The following CCDC88C variants were observed in gnomAD, a reference collection of about 807,000 sequenced individuals.
CCDC88C encodes the protein coiled-coil and HOOK domain protein 88C.
CCDC88C carries 131 observed loss-of-function variants against 198.8 expected under a neutral mutation model. That is an observed-to-expected ratio of 0.66 (90% confidence interval 0.57 to 0.76). CCDC88C has a LOEUF of 0.76. Ranked by LOEUF, CCDC88C falls within the 30% of genes least tolerant of loss-of-function variation. The probability of loss-of-function intolerance (pLI) is 0.00; values close to 1 mark genes in which losing one functional copy is unlikely to be tolerated. For missense variants in CCDC88C, 2,553 were observed against 2,631.6 expected, an observed-to-expected ratio of 0.97 and a Z score of 0.65; for synonymous variants, 1,166 against 1,114.7, an observed-to-expected ratio of 1.05 and a Z score of -0.92.
chr14:91,349,052 T>A (rs914787759), intron 4 of CCDC88C, among the ~76,000 whole-genome samples: 1 of 152,226 alleles, frequency 6.6e-6, no homozygotes, highest in Non-Finnish European at 1.5e-5. Flanking sequence ...TCTACCAGAT[T>A]GTGGGTTTTG....
Position 91,388,600 on chromosome 14 carries a change from G to A in CCDC88C, c.270+20059C>T, listed in dbSNP as rs550079239. ...CCAGAGCTTAACTCAGACGCTCACA[G>A]TAAGCTCTCAAACTGATGTATAAAC... On this transcript the variant is annotated intron_variant, in intron 3 of 29. Transcript: ENST00000389857. Among the ~76,000 whole-genome samples, 4 of 152,368 alleles carry A rather than the reference G, an allele frequency of 2.6e-5. No homozygotes were observed. In the South Asian group the frequency reaches 6.2e-4, roughly 24 times the overall value.
At chr14:91,312,998 T>A (rs7152930) in intron 15 of CCDC88C, 82 bp downstream of exon 15, 103 of 1,075,514 alleles carry the variant, frequency 9.6e-5, no homozygotes, top group Non-Finnish European at 1.3e-4. Context: ...CAGAGTCTTA[T>A]TTCTCTCCTG....
intron 3 of CCDC88C, among the ~76,000 whole-genome samples, chr14:91,386,847 G>A (rs767685748): frequency 1.3e-5 from 2 of 152,134 alleles, no homozygotes; most frequent in African/African-American, 2.4e-5. Flanking sequence ...TAGGGGCTTG[G>A]GACCAACTAA....
In CCDC88C at chr14:91,325,645, C is replaced by T. The variant is rs566882478; in HGVS notation, c.1197+265G>A. 2.5e-4 allele frequency among the ~76,000 whole-genome samples: 38 copies of T among 152,242 alleles called. No individual in the cohort carries two copies. The highest frequency in any genetic ancestry group is 4.6e-4 in the Non-Finnish European group (31 of 68,024). On this transcript the variant is annotated intron_variant, in intron 11 of 29. Coordinates refer to ENST00000389857, the MANE Select transcript of CCDC88C (RefSeq NM_001080414.4). The surrounding 1 kb of genome is among the most constrained non-coding windows in gnomAD (Gnocchi z 4.1). ...AGGCTGGAATGCAATGGTGTGATCA[C>T]GGCTCACTGCAGCCTCAACCTCCCA...
At chr14:91,399,640 C>G (rs1168866777) in intron 3 of CCDC88C, among the ~76,000 whole-genome samples, 5 of 152,082 alleles carry the variant, frequency 3.3e-5, no homozygotes, top group Admixed American at 1.3e-4. Flanking sequence ...GAGTTCAAGA[C>G]CAGCCTGGCC....
intron 25 of CCDC88C, chr14:91,285,589 T>C: frequency 8.2e-7 from 1 of 1,226,558 alleles, no homozygotes; most frequent in Non-Finnish European, 1.1e-6. Flanking sequence ...TCTGGCCTTT[T>C]AGACGCTGGC....
chr14:91,326,433 G>C (rs1042363605), intron 10 of CCDC88C, among the ~76,000 whole-genome samples: 1 of 152,176 alleles, frequency 6.6e-6, no homozygotes, highest in African/African-American at 2.4e-5. Flanking sequence ...GGCTGGTCTC[G>C]AATTCCTGAC....
chr14:91,313,881 C>T lies in CCDC88C; in HGVS notation c.1935G>A (p.Gly645=). The T allele has an allele frequency of 1.2e-6, 2 of 1,608,676 alleles. No individual in the cohort carries two copies. Among genetic ancestry groups the T allele is most frequent in the Non-Finnish European group, 1.7e-6 (2 of 1,178,482 alleles). The change falls in exon 15 of 30, where the codon GGG becomes GGA. Residue 645 remains glycine (G), a synonymous_variant. Transcript: ENST00000389857. This position sits in a 1 kb window ranked among gnomAD's most constrained non-coding sequence, Gnocchi z 5.2. Reference sequence around the variant, plus strand: ...GGGAGGTCACCTTCCTGGCCAGCCTCCCGTTCTCCTCCTGGAGTCGCTGTA... The same window carrying T: ...GGGAGGTCACCTTCCTGGCCAGCCTTCCGTTCTCCTCCTGGAGTCGCTGTA... ...RELQRLQEEN[G]RLARKVTSLE...
At position 91,339,153 on chromosome 14, in the gene CCDC88C, C is replaced by T; in HGVS notation, c.809+125G>A. On this transcript the variant is annotated intron_variant, in intron 8 of 29. Coordinates refer to ENST00000389857, the MANE Select transcript of CCDC88C (RefSeq NM_001080414.4). This position sits in a 1 kb window ranked among gnomAD's most constrained non-coding sequence, Gnocchi z 5.8. ...GGTCAAAGAGTAAGCTCAGGGCAGA[C>T]CCCAGCTGACTCCGGGGCACACGTC... is the stretch of plus-strand genomic sequence containing the variant. 1.7e-6 allele frequency: 2 copies of T among 1,177,888 alleles called. No homozygotes were observed. Among genetic ancestry groups the T allele is most frequent in the Non-Finnish European group, 2.5e-6 (2 of 812,686 alleles). 73.0% of individuals were successfully genotyped at this position (1,177,888 alleles called of 1,614,324 possible).
intron 12 of CCDC88C, among the ~76,000 whole-genome samples, chr14:91,324,187 C>A (rs911815165): frequency 1.3e-5 from 2 of 152,262 alleles, no homozygotes; most frequent in African/African-American, 4.8e-5. Flanking sequence ...CCCACGCTTC[C>A]CATGACCGAC....
chr14:91,295,715 G>A (rs528677999), intron 22 of CCDC88C, among the ~76,000 whole-genome samples: 6 of 152,162 alleles, frequency 3.9e-5, no homozygotes, highest in East Asian at 1.9e-4. Flanking sequence ...GCACAGCCAC[G>A]CCCTCATCAC....
At chr14:91,309,792 A>T in intron 16 of CCDC88C, 67 bp downstream of exon 16, 8 of 1,527,216 alleles carry the variant, frequency 5.2e-6, no homozygotes, top group Non-Finnish European at 7.1e-6. Flanking sequence ...GGGGAGGGTG[A>T]GGAGCCTGCA....
intron 17 of CCDC88C, 102 bp from the exon 18 acceptor site, chr14:91,307,328 C>T (rs1891602692): frequency 4.0e-6 from 4 of 1,008,768 alleles, no homozygotes; most frequent in Admixed American, 1.8e-5. Flanking sequence ...CCTCCACACT[C>T]CCCATACTCG....
At chr14:91,384,906 G>C (rs990485695) in intron 3 of CCDC88C, among the ~76,000 whole-genome samples, 5 of 152,108 alleles carry the variant, frequency 3.3e-5, no homozygotes, top group African/African-American at 9.7e-5. Context: ...TGGTTCTTAG[G>C]GCACCATCCA....
chr14:91,293,595 A>ACGGC, intron 23 of CCDC88C, among the ~76,000 whole-genome samples: 1 of 135,126 alleles, frequency 7.4e-6, no homozygotes, highest in African/African-American at 2.8e-5. Flanking sequence ...CTCGCCTGCC[A>ACGGC]TGGCCCACCT....
chr14:91,404,046 T>A (rs1378740094), intron 3 of CCDC88C, among the ~76,000 whole-genome samples: 1 of 152,252 alleles, frequency 6.6e-6, no homozygotes, highest in Non-Finnish European at 1.5e-5. Flanking sequence ...TGAGGCAGCG[T>A]GGGGCTCTGG....
intron 4 of CCDC88C, among the ~76,000 whole-genome samples, chr14:91,346,496 T>G (rs1442702991): frequency 6.6e-6 from 1 of 152,226 alleles, no homozygotes; most frequent in African/African-American, 2.4e-5. Context: ...TTTTTTTTAC[T>G]TGAGATCTTT....
intron 3 of CCDC88C, among the ~76,000 whole-genome samples, chr14:91,367,814 ACT>A (rs1409426425): frequency 1.3e-5 from 2 of 151,580 alleles, no homozygotes; most frequent in African/African-American, 4.9e-5. Flanking sequence ...AACTACCAAC[ACT>A]CTCTGCGCTT....
rs777962433 is a variant in CCDC88C at position 91,273,723 on chromosome 14, G to A, written c.5059-70C>T. ...GTGGGTCCTTGGAGCCGCCTCCTGC[G>A]CGGGACGCCCCCGAGCAGCCCACGT... On this transcript the variant is annotated intron_variant, in intron 29 of 29. Transcript: ENST00000389857. The surrounding 1 kb of genome is among the most constrained non-coding windows in gnomAD (Gnocchi z 5.6). The A allele has an allele frequency of 1.7e-5, 22 of 1,333,272 alleles. No individual in the cohort carries two copies. Among genetic ancestry groups the A allele is most frequent in the Middle Eastern group, 2.0e-4 (1 of 5,032 alleles). The allele number at this position is 1,333,272 out of a possible 1,614,324, so 82.6% of individuals were successfully genotyped here.
Sources: allele counts gnomAD v4.1 joint callset (sites outside exome capture counted in the v4.1 genomes callset), GRCh38; gene constraint gnomAD v4.1.1; non-coding constraint Gnocchi (gnomAD v3.1); transcripts MANE v1.5; gene names NCBI Gene and HGNC (gene_info 2026-07-23, HGNC 2026-07-21).